The following NFASC variants were observed in gnomAD, a reference collection of about 807,000 sequenced individuals.
NFASC encodes the protein neurofascin, also known as neurofascin homolog.
A neutral mutation model predicts 147.5 loss-of-function variants in NFASC; 43 were observed. The observed-to-expected ratio is 0.29, with a 90% CI of 0.23 to 0.38. The LOEUF (loss-of-function observed/expected upper bound fraction) is 0.38. Among genes scored for constraint, NFASC ranks in the 10% least tolerant of loss-of-function variants. NFASC has a pLI of 1.00. For missense variants in NFASC, 1,320 were observed against 1,689.0 expected (o/e 0.78, Z 3.83); for synonymous variants, 622 against 665.5 (o/e 0.93, Z 1.01).
chr1:204,883,484 C>G (rs2080705329), intron 1 of NFASC, among the ~76,000 whole-genome samples: 1 of 152,228 alleles, frequency 6.6e-6, no homozygotes. Context: ...GCCTGTGCAG[C>G]TGGGGTGTGG....
chr1:204,975,245 G>A lies in NFASC; in HGVS notation c.1559-26G>A. 6.3e-7 allele frequency: 1 copy of A among 1,592,104 alleles called. No homozygotes were observed. Among genetic ancestry groups the A allele is most frequent in the African/African-American group, 1.3e-5 (1 of 74,576 alleles). Reference sequence around the variant, plus strand: ...GATGCTGGGCAGAGAACAGGCCAGTGGCGAGTGCTCTGGGCTTCTCCACAG... The same window carrying A: ...GATGCTGGGCAGAGAACAGGCCAGTAGCGAGTGCTCTGGGCTTCTCCACAG... On this transcript the variant is annotated intron_variant, in intron 14 of 29. Transcript: ENST00000339876. This position sits in a 1 kb window ranked among gnomAD's most constrained non-coding sequence, Gnocchi z 4.0.
chr1:204,842,379 G>A (rs1462539025), intron 1 of NFASC, among the ~76,000 whole-genome samples: 4 of 152,160 alleles, frequency 2.6e-5, no homozygotes, highest in Non-Finnish European at 5.9e-5. Context: ...GAGTGTTTAA[G>A]CACTGTATTG....
At chr1:204,837,847 T>C (rs1435002202) in intron 1 of NFASC, among the ~76,000 whole-genome samples, 2 of 152,158 alleles carry the variant, frequency 1.3e-5, no homozygotes, top group Admixed American at 6.5e-5. Context: ...TTATGGTCCT[T>C]GTGATGAAAG....
chr1:204,944,416 G>A lies in NFASC; in HGVS notation c.91+10G>A, dbSNP rs1409946108. 1 of 1,302,660 alleles carries A rather than the reference G, an allele frequency of 7.7e-7. No individual in the cohort carries two copies. The highest frequency in any genetic ancestry group is 1.6e-5 in the African/African-American group (1 of 63,664). The allele number at this position is 1,302,660 out of a possible 1,614,324, so 80.7% of individuals were successfully genotyped here. On this transcript the variant is annotated intron_variant, in intron 3 of 29. Transcript: ENST00000339876. ...GAAATTCCTATGGATCGTGAGTCCT[G>A]CCCCATTCTCTTCTCTTTTTTTTCC...
Position 204,996,296 on chromosome 1 carries a change from C to A in NFASC, c.2783-874C>A, listed in dbSNP as rs55869728. On this transcript the variant is annotated intron_variant, in intron 24 of 29. Coordinates refer to ENST00000339876, the MANE Select transcript of NFASC (RefSeq NM_001005388.3). ...CAGAAAAGAAGCCCAGCATGCGCCT[C>A]ACTCTGCCTGGGACTCCTCTGTCTG... Among the ~76,000 whole-genome samples the A allele has an allele frequency of 3.3e-3, 500 of 152,310 alleles. 5 individuals carry two copies. Among genetic ancestry groups the A allele is most frequent in the South Asian group, 0.011 (52 of 4,820 alleles).
intron 1 of NFASC, 61 bp from the exon 2 acceptor site, chr1:204,920,569 CTT>C: frequency 2.5e-6 from 2 of 787,068 alleles, no homozygotes; most frequent in Non-Finnish European, 3.6e-6. Context: ...ACCACAAAGG[CTT>C]TTTTTTTTCT....
chr1:204,971,696 G>A (rs115071640), intron 11 of NFASC, among the ~76,000 whole-genome samples: 3 of 152,244 alleles, frequency 2.0e-5, no homozygotes, highest in East Asian at 1.9e-4. Flanking sequence ...GCCCAAAATC[G>A]CATGGCTAGG....
At chr1:204,978,148 G>A (rs942874393) in intron 17 of NFASC, among the ~76,000 whole-genome samples, 6 of 152,150 alleles carry the variant, frequency 3.9e-5, no homozygotes, top group Non-Finnish European at 8.8e-5. Context: ...CCACACATAC[G>A]TGAACGTGGG....
At position 204,987,346 on chromosome 1, in the gene NFASC, T is replaced by A; in HGVS notation, c.2471-72T>A. 6.9e-7 allele frequency: 1 copy of A among 1,446,160 alleles called. No individual in the cohort carries two copies. The highest frequency in any genetic ancestry group is 9.5e-7 in the Non-Finnish European group (1 of 1,047,550). The allele number at this position is 1,446,160 out of a possible 1,614,324, so 89.6% of individuals were successfully genotyped here. On this transcript the variant is annotated intron_variant, in intron 21 of 29. Coordinates refer to ENST00000339876, the MANE Select transcript of NFASC (RefSeq NM_001005388.3). This position sits in a 1 kb window ranked among gnomAD's most constrained non-coding sequence, Gnocchi z 4.4. ...GGTCAATGCCTTCATACTTGTGCTT[T>A]GTTTTTTGTGTTTTCCTCATCCTCC...
chr1:204,960,121 C>G (rs189763047), intron 8 of NFASC, among the ~76,000 whole-genome samples: 200 of 152,304 alleles, frequency 1.3e-3, no homozygotes, highest in African/African-American at 4.7e-3. Flanking sequence ...CTTGTACCTT[C>G]AGAACCAGGT....
intron 2 of NFASC, among the ~76,000 whole-genome samples, chr1:204,930,706 C>A (rs2092288708): frequency 6.6e-6 from 1 of 152,196 alleles, no homozygotes; most frequent in Non-Finnish European, 1.5e-5. Context: ...AGGCAGCAAC[C>A]CTGTTGTGGA....
chr1:205,012,629 T>C (rs950307577), intron 28 of NFASC, 168 bp from the exon 29 acceptor site: 3 of 640,454 alleles, frequency 4.7e-6, no homozygotes, highest in Non-Finnish European at 8.6e-6. Flanking sequence ...TGGCAACTGA[T>C]TGAGTACAGG....
At chr1:204,960,348 G>A (rs1168843942) in intron 8 of NFASC, among the ~76,000 whole-genome samples, 3 of 152,220 alleles carry the variant, frequency 2.0e-5, no homozygotes, top group Non-Finnish European at 2.9e-5. Flanking sequence ...AAGATAAGCA[G>A]TGGAGTTGGG....
intron 5 of NFASC, among the ~76,000 whole-genome samples, chr1:204,953,095 G>A (rs1255691485): frequency 6.6e-6 from 1 of 152,170 alleles, no homozygotes; most frequent in Non-Finnish European, 1.5e-5. Flanking sequence ...ATAATCCTGT[G>A]GCACTGAGCA....
intron 2 of NFASC, among the ~76,000 whole-genome samples, chr1:204,925,629 T>C (rs1414950350): frequency 6.6e-6 from 1 of 152,228 alleles, no homozygotes; most frequent in African/African-American, 2.4e-5. Flanking sequence ...AGACTGAAAG[T>C]CATCTCTCTT....
At chr1:205,001,581 G>T (rs1383348603) in intron 26 of NFASC, among the ~76,000 whole-genome samples, 1 of 152,164 alleles carries the variant, frequency 6.6e-6, no homozygotes, top group African/African-American at 2.4e-5. Flanking sequence ...CCAGGATGAG[G>T]GTTCTGAATA....
intron 1 of NFASC, among the ~76,000 whole-genome samples, chr1:204,920,396 A>G (rs2090187387): frequency 6.6e-6 from 1 of 151,784 alleles, no homozygotes; most frequent in African/African-American, 2.4e-5. Flanking sequence ...TCTTACAGAT[A>G]AGAGAGACAA....
In NFASC at chr1:204,954,498, G is replaced by T; in HGVS notation, c.412+114G>T. The T allele has an allele frequency of 2.1e-6, 2 of 965,444 alleles. No homozygotes were observed. The highest frequency in any genetic ancestry group is 3.1e-6 in the Non-Finnish European group (2 of 654,586). The allele number at this position is 965,444 out of a possible 1,614,324, so 59.8% of individuals were successfully genotyped here. ...CTGCCCTTGGCCTGCAGTTGCCTTG[G>T]TGTTCTCTATGCATCTTCCCCACCT... On this transcript the variant is annotated intron_variant, in intron 6 of 29. Transcript: ENST00000339876. This position sits in a 1 kb window ranked among gnomAD's most constrained non-coding sequence, Gnocchi z 5.7.
chr1:204,872,366 T>A (rs1391832331), intron 1 of NFASC, among the ~76,000 whole-genome samples: 1 of 152,218 alleles, frequency 6.6e-6, no homozygotes, highest in African/African-American at 2.4e-5. Flanking sequence ...CTGTGGACAC[T>A]TGCTTCCCAT....
Sources: gnomAD v4.1 joint callset for allele counts (sites outside exome capture counted in the v4.1 genomes callset) on GRCh38, gnomAD v4.1.1 for gene constraint, Gnocchi (gnomAD v3.1) non-coding constraint, MANE v1.5 for transcripts, NCBI Gene and HGNC (gene_info 2026-07-23, HGNC 2026-07-21) for gene names.